Variants in HKDC1 observed in about 807,000 individuals in gnomAD.
HKDC1 encodes hexokinase domain containing 1.
In HKDC1, 66 loss-of-function variants were observed where a neutral mutation model predicts 96.6. The ratio of observed to expected loss-of-function variants is 0.68; its 90% CI spans 0.56 to 0.84. HKDC1 has a LOEUF of 0.84. Among genes scored for constraint, HKDC1 ranks in the 40% least tolerant of loss-of-function variants. HKDC1 has a pLI of 0.00. For missense variants in HKDC1, 1,211 were observed against 1,208.1 expected (o/e 1.00, Z -0.04); for synonymous variants, 466 against 473.1 (o/e 0.98, Z 0.20).
Position 69,240,710 on chromosome 10 carries a change from G to A in HKDC1, c.650G>A (p.Cys217Tyr), listed in dbSNP as rs140306975. The change falls in exon 6 of 18, where the codon TGT becomes TAT. Residue 217 changes from cysteine (C) to tyrosine (Y), a missense_variant. Cys to Tyr is a radical substitution (Grantham distance 194). Coordinates refer to ENST00000354624, the MANE Select transcript of HKDC1 (RefSeq NM_025130.4). ...VNDTVGTMMT[C>Y]AYDDPYCEVG... ...GACACCGTGGGGACCATGATGACCT[G>A]TGCCTATGACGACCCCTACTGCGAA... 3.4e-4 allele frequency: 555 copies of A among 1,614,094 alleles called. 1 individual carries two copies. In the African/African-American group the frequency reaches 6.5e-3, roughly 19 times the overall value.
intron 5 of HKDC1, among the ~76,000 whole-genome samples, chr10:69,240,405 A>G (rs1843437043): frequency 6.6e-6 from 1 of 152,180 alleles, no homozygotes; most frequent in Non-Finnish European, 1.5e-5. Flanking sequence ...CCTGTCCCTC[A>G]TATTTCCATT....
At chr10:69,263,609 TG>T (rs1448914538) in intron 16 of HKDC1, among the ~76,000 whole-genome samples, 1 of 152,192 alleles carries the variant, frequency 6.6e-6, no homozygotes, top group Non-Finnish European at 1.5e-5. Context: ...CTGTTTATGC[TG>T]CGTGACCTGG....
chr10:69,258,290 G>A (rs1843750846), intron 14 of HKDC1, among the ~76,000 whole-genome samples: 1 of 152,128 alleles, frequency 6.6e-6, no homozygotes, highest in African/African-American at 2.4e-5. Flanking sequence ...TACTTGCCTG[G>A]ACTGCTGGGC....
chr10:69,265,609 C>G lies in HKDC1; in HGVS notation c.2397C>G (p.Val799=), dbSNP rs1370144962. ...GCGATCGGCTGGCCCTTCTCCAGGT[C>G]AGGAGGATTCTGCAGCAGCTGGGCC... ...IESDRLALLQ[V]RRILQQLGLD... Residue 799 remains valine, a synonymous_variant, in exon 17 of 18, where the codon GTC becomes GTG. Transcript: ENST00000354624. 1.9e-6 allele frequency: 3 copies of G among 1,613,554 alleles called. No homozygotes were observed. Among genetic ancestry groups the G allele is most frequent in the Non-Finnish European group, 2.5e-6 (3 of 1,179,904 alleles).
chr10:69,243,504 T>TC, intron 7 of HKDC1, 139 bp downstream of exon 7: 9 of 785,408 alleles, frequency 1.1e-5, no homozygotes, highest in East Asian at 3.1e-5. Context: ...TTTTCCTTTT[T>TC]TTTTTTTTTT....
chr10:69,227,172 C>A (rs1248911492), intron 1 of HKDC1, 35 bp from the exon 2 acceptor site: 6 of 1,612,126 alleles, frequency 3.7e-6, no homozygotes, highest in African/African-American at 1.3e-5. Flanking sequence ...TGAGGGCCCC[C>A]AGCAGCACCC....
intron 4 of HKDC1, among the ~76,000 whole-genome samples, chr10:69,237,324 GATA>G (rs1156830101): frequency 1.6e-5 from 2 of 126,654 alleles, no homozygotes; most frequent in African/African-American, 2.7e-5. Flanking sequence ...TGTGTTTTCT[GATA>G]ATAAAATAAA....
chr10:69,220,582 G>C (rs1843044704), intron 1 of HKDC1, 84 bp downstream of exon 1: 6 of 932,544 alleles, frequency 6.4e-6, no homozygotes, highest in Non-Finnish European at 8.0e-6. Context: ...AATCAGAAGG[G>C]AGTGAAGAGA....
chr10:69,244,059 C>T (rs975274356), intron 7 of HKDC1, among the ~76,000 whole-genome samples: 4 of 152,034 alleles, frequency 2.6e-5, no homozygotes, highest in Admixed American at 2.0e-4. Flanking sequence ...GTCCCCCAGC[C>T]GCCTTGCTTT....
Position 69,265,813 on chromosome 10 carries a change from C to T in HKDC1, c.2601C>T (p.His867=), listed in dbSNP as rs770536792. 2 of 1,610,476 alleles carry T rather than the reference C, an allele frequency of 1.2e-6. No individual in the cohort carries two copies. Among genetic ancestry groups the T allele is most frequent in the South Asian group, 2.2e-5 (2 of 90,790 alleles). ...VGVDGTLYKL[H]PHFSRILQET... ...TGGACGGCACCCTGTACAAGCTGCA[C>T]CCTCAGTGAGTGCCCACAAGAGGCG... is the stretch of plus-strand genomic sequence containing the variant. The change falls in exon 17 of 18, where the codon CAC becomes CAT. Residue 867 remains histidine, a synonymous_variant. Transcript: ENST00000354624.
chr10:69,257,341 C>T lies in HKDC1; in HGVS notation c.1947C>T (p.Asp649=), dbSNP rs777985383. The T allele has an allele frequency of 1.2e-6, 2 of 1,613,600 alleles. No homozygotes were observed. Among genetic ancestry groups the T allele is most frequent in the Admixed American group, 1.7e-5 (1 of 60,024 alleles). The stretch of plus-strand genomic sequence containing the variant: ...TTTGTTTTTAGGAGTTTGACCTGGA[C>T]ATTGTTGCAGTCGTGAATGATACAG... ...AIKRRNEFDL[D]IVAVVNDTVG... is the part of the protein sequence containing the mutation. The change falls in exon 14 of 18, where the codon GAC becomes GAT. Residue 649 remains aspartate, a synonymous_variant. Transcript: ENST00000354624.
rs954441290 is a variant in HKDC1, at chr10:69,240,606, C to T, written c.592-46C>T. 5.3e-6 allele frequency: 8 copies of T among 1,497,160 alleles called. No homozygotes were observed. In the African/African-American group the frequency reaches 8.3e-5, roughly 15 times the overall value. The allele number at this position is 1,497,160 out of a possible 1,614,324, so 92.7% of individuals were successfully genotyped here. A position where few individuals can be genotyped will look rare whatever the true frequency, so the allele number is the denominator to read the frequency against. On this transcript the variant is annotated intron_variant, in intron 5 of 17. Coordinates refer to ENST00000354624, the MANE Select transcript of HKDC1 (RefSeq NM_025130.4). ...CTCTGTGGGGAAGGAGGGAGGGAAA[C>T]ACCTCCTTCCCACCCGCTGATTCCC...
At chr10:69,232,149 T>C (rs1843272583) in intron 2 of HKDC1, among the ~76,000 whole-genome samples, 1 of 152,190 alleles carries the variant, frequency 6.6e-6, no homozygotes, top group African/African-American at 2.4e-5. Context: ...AGCCCCCACC[T>C]TTCAATTAAT....
intron 9 of HKDC1, among the ~76,000 whole-genome samples, chr10:69,248,033 G>C (rs1209832413): frequency 4.6e-5 from 7 of 152,202 alleles, no homozygotes; most frequent in Non-Finnish European, 7.3e-5. Flanking sequence ...AAAACACAGG[G>C]AAATGGGAAT....
chr10:69,248,367 T>C, intron 9 of HKDC1, 57 bp from the exon 10 acceptor site: 2 of 1,505,244 alleles, frequency 1.3e-6, no homozygotes, highest in East Asian at 4.6e-5. Flanking sequence ...CCCCTGGGTC[T>C]GTGCCTGAGC....
At chr10:69,251,083 ATTTCT>A (rs1435614074) in intron 12 of HKDC1, among the ~76,000 whole-genome samples, 1 of 107,988 alleles carries the variant, frequency 9.3e-6, no homozygotes, top group Non-Finnish European at 2.0e-5. Flanking sequence ...CAAGAAATAC[ATTTCT>A]TTTTTTTTTT....
In HKDC1 at chr10:69,228,634, G is replaced by T. The variant is rs151091311; in HGVS notation, c.226+1265G>T. Among the ~76,000 whole-genome samples, 46 of 152,258 alleles carry T rather than the reference G, an allele frequency of 3.0e-4. 1 individual carries two copies. The East Asian group carries it at 8.1e-3, about 27-fold the overall frequency. On this transcript the variant is annotated intron_variant, in intron 2 of 17. Coordinates refer to ENST00000354624, the MANE Select transcript of HKDC1 (RefSeq NM_025130.4). ...TAATCCCAGAACTTTGGGAGGCCGA[G>T]GGGGGCAGATCACTTGAGGTCAGAT...
chr10:69,258,026 T>C (rs1023579374), intron 14 of HKDC1, among the ~76,000 whole-genome samples: 1 of 152,174 alleles, frequency 6.6e-6, no homozygotes, highest in Non-Finnish European at 1.5e-5. Context: ...GGCTAAGTAA[T>C]GATAGAACCT....
chr10:69,224,200 C>T (rs1843113270), intron 1 of HKDC1, among the ~76,000 whole-genome samples: 1 of 151,614 alleles, frequency 6.6e-6, no homozygotes, highest in Non-Finnish European at 1.5e-5. Context: ...AGAGCAAGAC[C>T]CTGTCTCAAA....
Sources: allele counts gnomAD v4.1 joint callset (sites outside exome capture counted in the v4.1 genomes callset), GRCh38; gene constraint gnomAD v4.1.1; transcripts MANE v1.5; gene names NCBI Gene and HGNC (gene_info 2026-07-23, HGNC 2026-07-21).